Variants in XXYLT1 observed in about 807,000 individuals in gnomAD.
XXYLT1 encodes UDP-xylose:alpha-xyloside alpha-1,3-xylosyltransferase.
In XXYLT1, 20 loss-of-function variants were observed where a neutral mutation model predicts 28.9. The observed-to-expected ratio is 0.69, with a 90% CI of 0.49 to 1.00. XXYLT1 has a LOEUF of 1.00. Ranked by LOEUF, XXYLT1 falls within the 50% of genes least tolerant of loss-of-function variation. The pLI, the probability that XXYLT1 is intolerant of heterozygous loss-of-function variation, is 0.00. For missense variants in XXYLT1, 542 were observed against 560.1 expected, an observed-to-expected ratio of 0.97 and a Z score of 0.33; for synonymous variants, 257 against 253.8, an observed-to-expected ratio of 1.01 and a Z score of -0.12.
At chr3:195,218,578 T>C (rs1484945698) in intron 2 of XXYLT1, among the ~76,000 whole-genome samples, 2 of 151,984 alleles carry the variant, frequency 1.3e-5, no homozygotes, top group African/African-American at 4.8e-5. Flanking sequence ...TCATCATCAC[T>C]GGCCATCAGA....
Position 195,168,606 on chromosome 3 carries a change from G to A in XXYLT1, c.653-12025C>T, listed in dbSNP as rs1249953148. 6.6e-6 allele frequency among the ~76,000 whole-genome samples: 1 copy of A among 152,230 alleles called. No individual in the cohort carries two copies. The highest frequency in any genetic ancestry group is 2.4e-5 in the African/African-American group (1 of 41,450). On this transcript the variant is annotated intron_variant, in intron 2 of 3. Coordinates refer to ENST00000310380, the MANE Select transcript of XXYLT1 (RefSeq NM_152531.5). This position sits in a 1 kb window ranked among gnomAD's most constrained non-coding sequence, Gnocchi z 4.3. ...CTGAGAGAGGGCCCTGCCTATGAAG[G>A]AGAACCAGAGACTGGGAGGTGCTGG...
chr3:195,232,230 T>A (rs962143226), intron 1 of XXYLT1, among the ~76,000 whole-genome samples: 1 of 152,156 alleles, frequency 6.6e-6, no homozygotes, highest in Non-Finnish European at 1.5e-5. Context: ...AGTTGTAATA[T>A]CTCCTTTTTC....
chr3:195,172,781 T>G (rs985222430), intron 2 of XXYLT1, among the ~76,000 whole-genome samples: 5 of 152,154 alleles, frequency 3.3e-5, no homozygotes, highest in African/African-American at 1.2e-4. Flanking sequence ...ACATTTGAGC[T>G]GAAACTTGAA....
chr3:195,258,664 C>T (rs1212480383), intron 1 of XXYLT1, among the ~76,000 whole-genome samples: 1 of 152,140 alleles, frequency 6.6e-6, no homozygotes, highest in Non-Finnish European at 1.5e-5. Flanking sequence ...GGGCTAGGGC[C>T]CCTGGGGAAG....
chr3:195,120,303 C>CCCCCCCCCCCCCCCCT (rs1560106289), intron 3 of XXYLT1, among the ~76,000 whole-genome samples: 24 of 142,144 alleles, frequency 1.7e-4, no homozygotes, highest in African/African-American at 2.1e-4. Context: ...GCCCCAGCCC[C>CCCCCCCCCCCCCCCCT]CATGGCCACA....
intron 3 of XXYLT1, among the ~76,000 whole-genome samples, chr3:195,132,859 T>A (rs937601266): frequency 6.6e-6 from 1 of 152,240 alleles, no homozygotes; most frequent in African/African-American, 2.4e-5. Flanking sequence ...ATGCACAATA[T>A]GATTCTCATT....
intron 3 of XXYLT1, among the ~76,000 whole-genome samples, chr3:195,110,446 G>T (rs1000220311): frequency 2.3e-5 from 2 of 85,486 alleles, no homozygotes; most frequent in African/African-American, 9.0e-5. Context: ...TGTATGTGGT[G>T]TAAAGTGTGT....
intron 1 of XXYLT1, among the ~76,000 whole-genome samples, chr3:195,241,521 A>G (rs564333570): frequency 1.3e-5 from 2 of 152,272 alleles, no homozygotes; most frequent in Middle Eastern, 3.4e-3. Context: ...AAAACAAAAC[A>G]AAACATTGTT....
intron 1 of XXYLT1, among the ~76,000 whole-genome samples, chr3:195,228,321 C>T (rs1023490067): frequency 2.0e-5 from 3 of 152,038 alleles, no homozygotes; most frequent in Non-Finnish European, 4.4e-5. Flanking sequence ...CTCCAATAGG[C>T]GGGCTCCACT....
At chr3:195,070,243 A>G (rs1714726514) in intron 3 of XXYLT1, 132 bp from the exon 4 acceptor site, 3 of 1,216,108 alleles carry the variant, frequency 2.5e-6, no homozygotes, top group Non-Finnish European at 2.2e-6. Context: ...GCATCACTAC[A>G]CCAGCAAGTG....
At chr3:195,087,741 C>CG (rs1553799570) in intron 3 of XXYLT1, among the ~76,000 whole-genome samples, 80 of 152,270 alleles carry the variant, frequency 5.3e-4, no homozygotes, top group African/African-American at 1.6e-3. Context: ...ACGCAGAAGA[C>CG]GGTGATTTCT....
intron 3 of XXYLT1, among the ~76,000 whole-genome samples, chr3:195,103,629 C>T (rs758639344): frequency 7.9e-5 from 12 of 152,200 alleles, no homozygotes; most frequent in Non-Finnish European, 1.5e-4. Flanking sequence ...TGTGCCTTTA[C>T]CTAGACTCAG....
chr3:195,236,456 G>A (rs1028402547), intron 1 of XXYLT1, among the ~76,000 whole-genome samples: 4 of 151,978 alleles, frequency 2.6e-5, no homozygotes, highest in Non-Finnish European at 5.9e-5. Context: ...TCAGCTTGTG[G>A]TGAATGCTGC....
intron 2 of XXYLT1, among the ~76,000 whole-genome samples, chr3:195,194,800 C>T (rs1048788346): frequency 1.3e-5 from 2 of 152,002 alleles, no homozygotes; most frequent in African/African-American, 4.8e-5. Context: ...AGTAAAGAAC[C>T]CAGGTGGAAA....
chr3:195,259,409 T>A (rs1725598567), intron 1 of XXYLT1, among the ~76,000 whole-genome samples: 1 of 152,168 alleles, frequency 6.6e-6, no homozygotes, highest in Admixed American at 6.5e-5. Context: ...TGACTTGTCT[T>A]CCACAACCCA....
At chr3:195,265,587 G>A (rs932131734) in intron 1 of XXYLT1, among the ~76,000 whole-genome samples, 2 of 152,240 alleles carry the variant, frequency 1.3e-5, no homozygotes, top group Non-Finnish European at 2.9e-5. Context: ...GAGCTGGCCA[G>A]CATGGGGAAG....
chr3:195,071,853 G>A (rs1714833260), intron 3 of XXYLT1, among the ~76,000 whole-genome samples: 1 of 152,142 alleles, frequency 6.6e-6, no homozygotes, highest in South Asian at 2.1e-4. Flanking sequence ...TACCACCAAG[G>A]AGCTCGATTT....
At chr3:195,126,235 G>T (rs1272973276) in intron 3 of XXYLT1, among the ~76,000 whole-genome samples, 1 of 152,226 alleles carries the variant, frequency 6.6e-6, no homozygotes, top group Non-Finnish European at 1.5e-5. Context: ...GTGAATGAAA[G>T]GCTGCCAGAC....
At chr3:195,088,289 G>C (rs1577011274) in intron 3 of XXYLT1, among the ~76,000 whole-genome samples, 1 of 150,602 alleles carries the variant, frequency 6.6e-6, no homozygotes. Context: ...GTCCCTGTCT[G>C]ACAGCTTTGA....
Sources: gnomAD v4.1 joint callset for allele counts (sites outside exome capture counted in the v4.1 genomes callset) on GRCh38, gnomAD v4.1.1 for gene constraint, Gnocchi (gnomAD v3.1) non-coding constraint, MANE v1.5 for transcripts, NCBI Gene and HGNC (gene_info 2026-07-23, HGNC 2026-07-21) for gene names.